Variants in DGKB observed in about 807,000 individuals in gnomAD.
The protein encoded by DGKB is 90 kDa diacylglycerol kinase.
DGKB carries 67 observed loss-of-function variants against 114.3 expected under a neutral mutation model. The ratio of observed to expected loss-of-function variants is 0.59; its 90% CI spans 0.48 to 0.72. The LOEUF (loss-of-function observed/expected upper bound fraction) is 0.72. DGKB is among the 30% of genes least tolerant of loss of function. The pLI is 0.00. For missense variants in DGKB, 907 were observed against 975.2 expected, an observed-to-expected ratio of 0.93 and a Z score of 0.93; for synonymous variants, 398 against 323.1, an observed-to-expected ratio of 1.23 and a Z score of -2.49.
rs1847891781 is a variant in DGKB at position 14,841,227 on chromosome 7, A to C, written c.37T>G (p.Ser13Ala). 1 of 1,613,626 alleles carries C rather than the reference A, an allele frequency of 6.2e-7. No homozygotes were observed. Among genetic ancestry groups the C allele is most frequent in the South Asian group, 1.1e-5 (1 of 90,944 alleles). ...NQEKWAHLSPSEFSQLQKYAE... is the reference protein window; with the variant it reads ...NQEKWAHLSPAEFSQLQKYAE... ...TATTTCTGAAGTTGGGAAAATTCCG[A>C]AGGGCTGAGGTGGGCCCATTTTTCC... is the stretch of plus-strand genomic sequence containing the variant. Residue 13 changes from serine to alanine, a missense_variant, in exon 2 of 26, where the codon TCG becomes GCG. Ser to Ala is a moderately conservative substitution (Grantham distance 99). This residue lies in a region of DGKB where 814 missense variants were observed against 856.6 expected (regional missense o/e 0.95). Coordinates refer to ENST00000402815, the MANE Select transcript of DGKB (RefSeq NM_001350709.2).
At chr7:14,561,419 G>A (rs1031850386) in intron 20 of DGKB, among the ~76,000 whole-genome samples, 1 of 152,124 alleles carries the variant, frequency 6.6e-6, no homozygotes, top group African/African-American at 2.4e-5. Context: ...ACCAAGAGTG[G>A]CGTGCTGTTT....
chr7:14,901,135 A>C (rs963187194), intron 1 of DGKB, among the ~76,000 whole-genome samples: 1 of 152,182 alleles, frequency 6.6e-6, no homozygotes, highest in Admixed American at 6.5e-5. Context: ...GCCTATAACA[A>C]ATTGGGCACT....
intron 25 of DGKB, 98 bp from the exon 26 acceptor site, chr7:14,149,336 TTCA>T: frequency 1.2e-6 from 1 of 814,248 alleles, no homozygotes; most frequent in Non-Finnish European, 1.9e-6. Flanking sequence ...TTAATAATAT[TTCA>T]TGAGTGACTG....
intron 23 of DGKB, among the ~76,000 whole-genome samples, chr7:14,321,522 C>G (rs1423048049): frequency 6.7e-6 from 1 of 150,162 alleles, no homozygotes; most frequent in Non-Finnish European, 1.5e-5. Flanking sequence ...CCACAGCCTC[C>G]AATATCAAGA....
intron 2 of DGKB, among the ~76,000 whole-genome samples, chr7:14,827,163 T>C (rs1374136059): frequency 1.3e-5 from 2 of 152,164 alleles, no homozygotes; most frequent in Admixed American, 6.6e-5. Flanking sequence ...CTGTGTATTC[T>C]AGGTGTATTT....
At chr7:14,319,546 T>G (rs1265927394) in intron 23 of DGKB, among the ~76,000 whole-genome samples, 1 of 152,182 alleles carries the variant, frequency 6.6e-6, no homozygotes, top group African/African-American at 2.4e-5. Context: ...TAGATGTACC[T>G]CACATAAGCA....
chr7:14,339,568 GT>G (rs1340192400), intron 22 of DGKB, among the ~76,000 whole-genome samples: 1 of 151,968 alleles, frequency 6.6e-6, no homozygotes, highest in Non-Finnish European at 1.5e-5. Context: ...TCACTTCTTA[GT>G]TTTTTGAATT....
chr7:14,683,660 A>T (rs1474861192), intron 10 of DGKB, among the ~76,000 whole-genome samples: 3 of 152,124 alleles, frequency 2.0e-5, no homozygotes, highest in Non-Finnish European at 4.4e-5. Flanking sequence ...ATAAAACAGT[A>T]CTTAAAAATA....
At chr7:14,433,922 A>G (rs1197733199) in intron 21 of DGKB, among the ~76,000 whole-genome samples, 1 of 152,142 alleles carries the variant, frequency 6.6e-6, no homozygotes, top group Non-Finnish European at 1.5e-5. Context: ...TATTTTAATG[A>G]TTTTGTGCAT....
intron 20 of DGKB, among the ~76,000 whole-genome samples, chr7:14,499,789 C>G (rs1785853834): frequency 6.6e-6 from 1 of 151,752 alleles, no homozygotes; most frequent in Admixed American, 6.6e-5. Context: ...ACGTAAATGA[C>G]AGAAATTGCT....
At chr7:14,221,845 C>G (rs28871079) in intron 23 of DGKB, among the ~76,000 whole-genome samples, 5,352 of 151,360 alleles carry the variant, frequency 0.035, 316 homozygotes, top group African/African-American at 0.12. Context: ...CTACACTTAT[C>G]AATTCAGATT....
In DGKB at chr7:14,295,985, C is replaced by A. The variant is rs182411743; in HGVS notation, c.2122+42530G>T. Among the ~76,000 whole-genome samples, 293 of 150,840 alleles carry A rather than the reference C, an allele frequency of 1.9e-3. 2 individuals are homozygous for A. The highest frequency in any genetic ancestry group is 0.014 in the Middle Eastern group (4 of 286). ...GGTTTTCTATTCCTGTGTTAGTTTA[C>A]TGAGAATGATGGTTTCCAGCTTCAT... On this transcript the variant is annotated intron_variant, in intron 23 of 25. Transcript: ENST00000402815.
chr7:14,355,086 T>G (rs912537565), intron 21 of DGKB, among the ~76,000 whole-genome samples: 2 of 152,102 alleles, frequency 1.3e-5, no homozygotes, highest in Non-Finnish European at 2.9e-5. Flanking sequence ...AAGAATTGCT[T>G]GTTCCCCCAT....
chr7:14,824,423 G>C (rs1160122554), intron 2 of DGKB, among the ~76,000 whole-genome samples: 1 of 152,170 alleles, frequency 6.6e-6, no homozygotes, highest in African/African-American at 2.4e-5. Flanking sequence ...AAGTAGGAGA[G>C]AAATAGAAAT....
intron 1 of DGKB, among the ~76,000 whole-genome samples, chr7:14,892,886 G>A (rs183909713): frequency 0.026 from 3,946 of 149,016 alleles, 165 homozygotes; most frequent in African/African-American, 0.092. Flanking sequence ...GTGTGTGTGT[G>A]TATACACATA....
intron 1 of DGKB, among the ~76,000 whole-genome samples, chr7:14,937,924 T>G (rs1368409517): frequency 3.3e-5 from 5 of 152,152 alleles, no homozygotes; most frequent in Non-Finnish European, 7.3e-5. Flanking sequence ...TAGCTTACTT[T>G]GTCGTAAATG....
chr7:14,624,946 C>G (rs1276880254), intron 14 of DGKB, among the ~76,000 whole-genome samples: 1 of 151,798 alleles, frequency 6.6e-6, no homozygotes, highest in East Asian at 1.9e-4. Flanking sequence ...TGCAGTGAGC[C>G]AAGATTGTAC....
chr7:14,548,105 T>A (rs770563117), intron 20 of DGKB, among the ~76,000 whole-genome samples: 1 of 152,216 alleles, frequency 6.6e-6, no homozygotes, highest in Non-Finnish European at 1.5e-5. Flanking sequence ...ATGATGGTCA[T>A]GTCCTTAATT....
chr7:14,385,166 A>G (rs771826290), intron 21 of DGKB, among the ~76,000 whole-genome samples: 36 of 152,158 alleles, frequency 2.4e-4, no homozygotes, highest in Non-Finnish European at 4.1e-4. Context: ...GGACTGACAC[A>G]GTGTTTCACA....
Sources: gnomAD v4.1 joint callset for allele counts (sites outside exome capture counted in the v4.1 genomes callset) on GRCh38, gnomAD v4.1.1 for gene constraint, gnomAD v4.1.1 regional missense constraint, MANE v1.5 for transcripts, NCBI Gene and HGNC (gene_info 2026-07-23, HGNC 2026-07-21) for gene names.